ITGA1: variants seen among roughly 807,000 people sequenced by gnomAD.
ITGA1 encodes the protein integrin alpha-1.
Under a neutral mutation model 145.9 loss-of-function variants are expected in ITGA1, and 85 were observed. The observed-to-expected ratio is 0.58, with a 90% CI of 0.49 to 0.70. ITGA1 has a LOEUF of 0.70. Ranked by LOEUF, ITGA1 falls within the 30% of genes least tolerant of loss-of-function variation. The pLI, the probability that ITGA1 is intolerant of heterozygous loss-of-function variation, is 0.00. For missense variants in ITGA1, 1,351 were observed against 1,418.7 expected, an observed-to-expected ratio of 0.95 and a Z score of 0.77; for synonymous variants, 520 against 495.3, an observed-to-expected ratio of 1.05 and a Z score of -0.66.
rs528875806 is a variant in ITGA1, at chr5:52,865,703, A to G, written c.510A>G (p.Gln170=). The change falls in exon 6 of 29, where the codon CAA becomes CAG. Residue 170 remains glutamine (Q), a synonymous_variant. Coordinates refer to ENST00000282588, the MANE Select transcript of ITGA1 (RefSeq NM_181501.2). ...SIAPVQECST[Q]LDIVIVLDGS... ...CTTTTATTGCAGAATGCAGCACTCA[A>G]CTGGACATAGTCATAGTGCTGGATG... 1.4e-4 allele frequency: 213 copies of G among 1,564,472 alleles called. 2 individuals carry two copies. The South Asian group carries it at 1.9e-3, about 14-fold the overall frequency.
At chr5:52,856,680 CAGAGAG>C (rs137879951) in intron 2 of ITGA1, among the ~76,000 whole-genome samples, 43,654 of 148,046 alleles carry the variant, frequency 0.29, 6,380 homozygotes, top group South Asian at 0.4. Context: ...GAAAAAGAGA[CAGAGAG>C]AGAGAGAGAG....
At chr5:52,911,005 A>G (rs975496325) in intron 14 of ITGA1, among the ~76,000 whole-genome samples, 2 of 33,628 alleles carry the variant, frequency 5.9e-5, no homozygotes, top group Non-Finnish European at 1.1e-4. Context: ...TAGTATGTAT[A>G]CTGTATATAC....
chr5:52,842,840 T>C (rs10042066), intron 1 of ITGA1, among the ~76,000 whole-genome samples: 1,903 of 152,054 alleles, frequency 0.013, 44 homozygotes, highest in African/African-American at 0.044. Flanking sequence ...TGTGCACCTC[T>C]ATGCCCAGCT....
intron 2 of ITGA1, among the ~76,000 whole-genome samples, chr5:52,860,635 C>T (rs749021739): frequency 6.6e-6 from 1 of 152,210 alleles, no homozygotes; most frequent in Non-Finnish European, 1.5e-5. Context: ...TAATTAAGTC[C>T]TTTGATTGCT....
At chr5:52,943,864 G>T (rs907591198) in intron 26 of ITGA1, among the ~76,000 whole-genome samples, 1 of 152,132 alleles carries the variant, frequency 6.6e-6, no homozygotes, top group Non-Finnish European at 1.5e-5. Context: ...AGGACACCCC[G>T]CAGCTCAGAG....
intron 1 of ITGA1, among the ~76,000 whole-genome samples, chr5:52,796,672 C>T (rs985135201): frequency 2.6e-5 from 4 of 152,022 alleles, no homozygotes; most frequent in African/African-American, 9.7e-5. Context: ...TTACATTTGA[C>T]TCACCTAGCT....
At chr5:52,890,435 G>A (rs1177418088) in intron 8 of ITGA1, among the ~76,000 whole-genome samples, 5 of 152,172 alleles carry the variant, frequency 3.3e-5, no homozygotes, top group Middle Eastern at 3.2e-3. Context: ...ACAATACAGT[G>A]AAATGCAAGG....
Position 52,799,618 on chromosome 5 carries a change from T to C in ITGA1, c.61+11204T>C, listed in dbSNP as rs550876277. Among the ~76,000 whole-genome samples, 6 of 152,244 alleles carry C rather than the reference T, an allele frequency of 3.9e-5. No homozygotes were observed. The South Asian group carries it at 1.2e-3, about 32-fold the overall frequency. ...AGGCGCAGAAAACAGCTGGACACGT[T>C]GCTGGGAGCCCAGACAGAACGTGAC... On this transcript the variant is annotated intron_variant, in intron 1 of 28. Coordinates refer to ENST00000282588, the MANE Select transcript of ITGA1 (RefSeq NM_181501.2).
At chr5:52,931,872 C>T in intron 21 of ITGA1, 175 bp from the exon 22 acceptor site, 3 of 476,342 alleles carry the variant, frequency 6.3e-6, no homozygotes, top group Non-Finnish European at 7.4e-6. Context: ...GAACTTTCAA[C>T]CATACCAATC....
At chr5:52,935,295 T>A (rs1750949409) in intron 23 of ITGA1, among the ~76,000 whole-genome samples, 5 of 152,026 alleles carry the variant, frequency 3.3e-5, no homozygotes, top group Admixed American at 3.3e-4. Context: ...CTAGGAAATT[T>A]TTGGTGATAG....
chr5:52,912,828 G>T (rs890020912), intron 14 of ITGA1, among the ~76,000 whole-genome samples: 1 of 150,194 alleles, frequency 6.7e-6, no homozygotes, highest in South Asian at 2.1e-4. Context: ...CTTACTGCAC[G>T]CTCCACCTCC....
At chr5:52,795,913 C>T (rs934599516) in intron 1 of ITGA1, among the ~76,000 whole-genome samples, 3 of 151,904 alleles carry the variant, frequency 2.0e-5, no homozygotes, top group African/African-American at 7.2e-5. Context: ...CCAGGAAAGA[C>T]CATATTTGAG....
chr5:52,938,261 T>C (rs895877079), intron 24 of ITGA1, among the ~76,000 whole-genome samples: 2 of 152,196 alleles, frequency 1.3e-5, no homozygotes, highest in African/African-American at 2.4e-5. Context: ...AATAGTATAA[T>C]TGTATTTACT....
At chr5:52,941,951 T>C (rs551773513) in intron 26 of ITGA1, among the ~76,000 whole-genome samples, 2 of 152,340 alleles carry the variant, frequency 1.3e-5, no homozygotes, top group African/African-American at 2.4e-5. Context: ...TTAGTTTTTA[T>C]ATATGGGGAA....
At chr5:52,843,671 T>C (rs992314343) in intron 1 of ITGA1, among the ~76,000 whole-genome samples, 4 of 152,238 alleles carry the variant, frequency 2.6e-5, no homozygotes, top group Non-Finnish European at 4.4e-5. Context: ...AGAGCCATCA[T>C]GAGACTTTTG....
chr5:52,870,447 G>A (rs908204712), intron 6 of ITGA1, among the ~76,000 whole-genome samples: 3 of 33,054 alleles, frequency 9.1e-5, no homozygotes, highest in African/African-American at 2.1e-4. Context: ...TATGAATGTA[G>A]TTGTAAGATT....
chr5:52,808,116 G>A (rs931916161), intron 1 of ITGA1, among the ~76,000 whole-genome samples: 1 of 152,162 alleles, frequency 6.6e-6, no homozygotes, highest in African/African-American at 2.4e-5. Flanking sequence ...ATTTCACTGG[G>A]ACTTGAGGAT....
chr5:52,939,531 GT>G, intron 24 of ITGA1, 58 bp from the exon 25 acceptor site: 1 of 1,115,752 alleles, frequency 9.0e-7, no homozygotes, highest in Non-Finnish European at 1.4e-6. Flanking sequence ...ACTGCAGCAA[GT>G]CATGTTTTTC....
intron 1 of ITGA1, among the ~76,000 whole-genome samples, chr5:52,839,114 T>A (rs552767277): frequency 6.6e-6 from 1 of 151,946 alleles, no homozygotes; most frequent in East Asian, 1.9e-4. Context: ...AAACAACAAC[T>A]ACAACAACAA....
Sources: gnomAD v4.1 joint callset for allele counts (sites outside exome capture counted in the v4.1 genomes callset) on GRCh38, gnomAD v4.1.1 for gene constraint, MANE v1.5 for transcripts, NCBI Gene and HGNC (gene_info 2026-07-23, HGNC 2026-07-21) for gene names.